The following SORCS1 variants were observed in gnomAD, a reference collection of about 807,000 sequenced individuals.
The protein encoded by SORCS1 is VPS10 domain-containing receptor SorCS1.
Under a neutral mutation model 146.1 loss-of-function variants are expected in SORCS1, and 60 were observed. The ratio of observed to expected loss-of-function variants is 0.41; its 90% CI spans 0.33 to 0.51. SORCS1 has a LOEUF of 0.51. SORCS1 is among the 20% of genes least tolerant of loss of function. The pLI is 0.21. For synonymous variants in SORCS1, 637 were observed against 584.0 expected, an observed-to-expected ratio of 1.09 and a Z score of -1.31; for missense variants, 1,352 against 1,487.6, an observed-to-expected ratio of 0.91 and a Z score of 1.50.
chr10:106,958,047 G>A (rs919150681), intron 1 of SORCS1, among the ~76,000 whole-genome samples: 1 of 152,190 alleles, frequency 6.6e-6, no homozygotes, highest in African/African-American at 2.4e-5. Flanking sequence ...AGCTGCTCCG[G>A]AAGACAGCTT....
At chr10:106,686,451 A>G (rs1446278090) in intron 10 of SORCS1, among the ~76,000 whole-genome samples, 1 of 152,206 alleles carries the variant, frequency 6.6e-6, no homozygotes, top group East Asian at 1.9e-4. Flanking sequence ...TCCAAAGTGC[A>G]GAGTAGAGAC....
At chr10:107,039,973 C>T (rs965341910) in intron 1 of SORCS1, among the ~76,000 whole-genome samples, 14 of 152,080 alleles carry the variant, frequency 9.2e-5, no homozygotes, top group Non-Finnish European at 1.9e-4. Flanking sequence ...TAGCCAGGCT[C>T]CTGCTTAAGT....
chr10:106,842,016 G>C (rs1442534926), intron 2 of SORCS1, among the ~76,000 whole-genome samples: 3 of 152,130 alleles, frequency 2.0e-5, no homozygotes, highest in Non-Finnish European at 4.4e-5. Flanking sequence ...CTCCCAAAGT[G>C]ACTGTATCAT....
chr10:106,697,010 C>CAAA (rs1192945253), intron 9 of SORCS1, among the ~76,000 whole-genome samples: 1 of 152,154 alleles, frequency 6.6e-6, no homozygotes, highest in Admixed American at 6.5e-5. Context: ...TAAGCTTGGG[C>CAAA]AGTTGCTTTG....
rs544330687 is a variant in SORCS1, at chr10:106,704,745, A to G, written c.1233+1800T>C. Among the ~76,000 whole-genome samples, 308 of 152,292 alleles carry G rather than the reference A, an allele frequency of 2.0e-3. 1 individual carries two copies. The highest frequency in any genetic ancestry group is 7.2e-3 in the African/African-American group (299 of 41,574). Reference sequence around the variant, plus strand: ...AAACAAAAAACAGTTTATTCCCAAGAGTGCGCATAAGATGAGGATATGGTC... The same window carrying G: ...AAACAAAAAACAGTTTATTCCCAAGGGTGCGCATAAGATGAGGATATGGTC... On this transcript the variant is annotated intron_variant, in intron 8 of 25. Transcript: ENST00000263054.
intron 23 of SORCS1, among the ~76,000 whole-genome samples, chr10:106,605,474 G>T (rs886281986): frequency 4.6e-5 from 7 of 152,174 alleles, no homozygotes; most frequent in African/African-American, 7.2e-5. Flanking sequence ...TACTTGAAAA[G>T]ATTAAAATCT....
intron 4 of SORCS1, among the ~76,000 whole-genome samples, chr10:106,774,954 A>C (rs1860313690): frequency 6.6e-6 from 1 of 152,232 alleles, no homozygotes; most frequent in East Asian, 1.9e-4. Context: ...ACGCAAAGGA[A>C]ACCAACGCTA....
intron 1 of SORCS1, among the ~76,000 whole-genome samples, chr10:106,981,440 C>T (rs774041123): frequency 2.0e-5 from 3 of 152,190 alleles, no homozygotes; most frequent in Non-Finnish European, 4.4e-5. Context: ...ACATACACCA[C>T]TTCTAATAAA....
chr10:106,654,094 C>T (rs1265980261), intron 17 of SORCS1, among the ~76,000 whole-genome samples: 1 of 152,152 alleles, frequency 6.6e-6, no homozygotes, highest in Non-Finnish European at 1.5e-5. Flanking sequence ...CTAGCAGCTG[C>T]CTAAAATTTG....
chr10:106,806,310 G>A (rs1947169141), intron 3 of SORCS1, among the ~76,000 whole-genome samples: 1 of 151,048 alleles, frequency 6.6e-6, no homozygotes, highest in African/African-American at 2.4e-5. Flanking sequence ...AGAGGTTGCA[G>A]TGAGCCGAGA....
At chr10:106,902,520 G>A (rs1478347268) in intron 2 of SORCS1, among the ~76,000 whole-genome samples, 1 of 152,076 alleles carries the variant, frequency 6.6e-6, no homozygotes, top group African/African-American at 2.4e-5. Context: ...AATATAGAGA[G>A]CTTAAAAAAT....
chr10:106,852,882 A>T (rs1382210310), intron 2 of SORCS1, among the ~76,000 whole-genome samples: 2 of 152,098 alleles, frequency 1.3e-5, no homozygotes, highest in Non-Finnish European at 2.9e-5. Context: ...TATTGGATTG[A>T]GGGGTTTTGC....
intron 2 of SORCS1, among the ~76,000 whole-genome samples, chr10:106,901,779 C>T (rs902064465): frequency 2.6e-5 from 4 of 152,194 alleles, no homozygotes; most frequent in Non-Finnish European, 5.9e-5. Context: ...CGAGGTGGCT[C>T]ATGCCTGTAA....
At chr10:106,838,418 G>C (rs1948877166) in intron 2 of SORCS1, among the ~76,000 whole-genome samples, 1 of 152,088 alleles carries the variant, frequency 6.6e-6, no homozygotes, top group Non-Finnish European at 1.5e-5. Context: ...TACAATCAAA[G>C]AACCTATAAC....
intron 1 of SORCS1, among the ~76,000 whole-genome samples, chr10:107,036,890 G>T (rs1958928947): frequency 6.6e-6 from 1 of 152,140 alleles, no homozygotes; most frequent in African/African-American, 2.4e-5. Context: ...TTATCGTTCA[G>T]GCTTCTATTT....
At chr10:106,611,808 G>T in intron 22 of SORCS1, 103 bp downstream of exon 22, 1 of 610,284 alleles carries the variant, frequency 1.6e-6, no homozygotes, top group African/African-American at 2.9e-5. Context: ...TCTTCCTGCT[G>T]GGTTAGTTTG....
chr10:107,116,241 G>A (rs539637307), intron 1 of SORCS1, among the ~76,000 whole-genome samples: 3 of 152,222 alleles, frequency 2.0e-5, no homozygotes, highest in Admixed American at 2.0e-4. Flanking sequence ...AACATTATAT[G>A]ATCCAGCAAT....
At chr10:106,825,434 G>C (rs993091436) in intron 3 of SORCS1, among the ~76,000 whole-genome samples, 2 of 151,892 alleles carry the variant, frequency 1.3e-5, no homozygotes, top group African/African-American at 4.8e-5. Context: ...ACCACGCCTG[G>C]CTAATTATTT....
intron 4 of SORCS1, among the ~76,000 whole-genome samples, chr10:106,769,616 TAG>T (rs1212833792): frequency 6.6e-6 from 1 of 152,048 alleles, no homozygotes; most frequent in African/African-American, 2.4e-5. Flanking sequence ...GCAGGACTGG[TAG>T]AGAGAGAAAG....
Sources: gnomAD v4.1 joint callset for allele counts (sites outside exome capture counted in the v4.1 genomes callset) on GRCh38, gnomAD v4.1.1 for gene constraint, MANE v1.5 for transcripts, NCBI Gene and HGNC (gene_info 2026-07-23, HGNC 2026-07-21) for gene names.